AKAP8: variants seen among roughly 807,000 people sequenced by gnomAD.
The protein encoded by AKAP8 is A-kinase anchoring protein 8.
AKAP8 carries 24 observed loss-of-function variants against 67.5 expected under a neutral mutation model. The observed-to-expected ratio is 0.36, with a 90% CI of 0.26 to 0.50. AKAP8 has a LOEUF of 0.50. Among genes scored for constraint, AKAP8 ranks in the 20% least tolerant of loss-of-function variants. The pLI, the probability that AKAP8 is intolerant of heterozygous loss-of-function variation, is 0.97. For missense variants in AKAP8, 971 were observed against 955.9 expected (o/e 1.02, Z -0.21); for synonymous variants, 400 against 371.1 (o/e 1.08, Z -0.90).
In AKAP8 at chr19:15,372,344, T is replaced by C; in HGVS notation, c.865A>G (p.Lys289Glu). Residue 289 changes from lysine to glutamate, a missense_variant, in exon 6 of 14, where the codon AAG (lysine) becomes GAG (glutamate). Around this residue, in one of 3 missense-constraint regions of AKAP8, gnomAD observed 763 missense variants for 745.4 expected, o/e 1.02. Coordinates refer to ENST00000269701, the MANE Select transcript of AKAP8 (RefSeq NM_005858.4). ...CCGAAGCGGTCAAACCCTCTCCTCTTGGGCTACAGACAACAAGCACACCCC... is the reference window on the plus strand; with the variant it reads ...CCGAAGCGGTCAAACCCTCTCCTCTCGGGCTACAGACAACAAGCACACCCC... ...QPRMRDRDRP[K>E]RRGFDRFGPD... is the part of the protein sequence containing the mutation. The C allele has an allele frequency of 2.5e-6, 4 of 1,614,094 alleles. No homozygotes were observed. Among genetic ancestry groups the C allele is most frequent in the Non-Finnish European group, 3.4e-6 (4 of 1,180,008 alleles).
chr19:15,375,832 G>T (rs976872478), intron 2 of AKAP8, among the ~76,000 whole-genome samples: 1 of 151,846 alleles, frequency 6.6e-6, no homozygotes, highest in Admixed American at 6.6e-5. Context: ...TAGAGACGGG[G>T]TTTCACTGTG....
chr19:15,378,983 C>G (rs1967312500), intron 1 of AKAP8: 1 of 153,646 alleles, frequency 6.5e-6, no homozygotes, highest in Non-Finnish European at 1.4e-5. Context: ...CAGGGCACAT[C>G]AGGTTTCCAG....
At chr19:15,366,759 G>A (rs376636938) in intron 9 of AKAP8, among the ~76,000 whole-genome samples, 2 of 152,058 alleles carry the variant, frequency 1.3e-5, no homozygotes, top group Admixed American at 1.3e-4. Context: ...ACAGGCATGC[G>A]CCACCATGCC....
At chr19:15,364,628 C>T (rs766193678) in intron 9 of AKAP8, among the ~76,000 whole-genome samples, 24 of 151,534 alleles carry the variant, frequency 1.6e-4, no homozygotes, top group Non-Finnish European at 2.5e-4. Context: ...GGATTAAAGG[C>T]GTGAGCCACC....
In AKAP8 at chr19:15,370,188, G is replaced by C; in HGVS notation, c.1039-9C>G. ...TCGCAGAGTTCATCCTCCTGGAAAAGAGTATACACAAAGTCCGGCAGTGAG... is the reference window on the plus strand; with the variant it reads ...TCGCAGAGTTCATCCTCCTGGAAAACAGTATACACAAAGTCCGGCAGTGAG... On this transcript the variant is annotated splice_polypyrimidine_tract_variant and intron_variant, in intron 7 of 13. Transcript: ENST00000269701. 6.2e-7 allele frequency: 1 copy of C among 1,614,106 alleles called. No individual in the cohort carries two copies. Among genetic ancestry groups the C allele is most frequent in the Non-Finnish European group, 8.5e-7 (1 of 1,180,004 alleles).
chr19:15,374,356 G>A (rs879624349), intron 3 of AKAP8, among the ~76,000 whole-genome samples: 13 of 152,210 alleles, frequency 8.5e-5, no homozygotes, highest in African/African-American at 3.1e-4. Flanking sequence ...TCCGGCTGCT[G>A]ACAGGCCCCA....
At chr19:15,358,346 T>G (rs970337435) in intron 13 of AKAP8, among the ~76,000 whole-genome samples, 3 of 152,154 alleles carry the variant, frequency 2.0e-5, no homozygotes, top group South Asian at 4.1e-4. Context: ...AAAATTCTCA[T>G]GTACCTTGGA....
Position 15,368,274 on chromosome 19 carries a change from T to C in AKAP8, c.1121A>G (p.Gln374Arg). ...DEDVKKRREK[Q>R]RRRDRTRDRA... ...GTCCCGCGTCCTGTCTCTTCTCCTTTGCTTTTCCCTTCTCTTCTTCACATC... is the reference window on the plus strand; with the variant it reads ...GTCCCGCGTCCTGTCTCTTCTCCTTCGCTTTTCCCTTCTCTTCTTCACATC... The change falls in exon 9 of 14, where the codon CAA becomes CGA. Residue 374 changes from glutamine (Q) to arginine (R), a missense_variant. This residue lies in a region of AKAP8 where 763 missense variants were observed against 745.4 expected (regional missense o/e 1.02). Coordinates refer to ENST00000269701, the MANE Select transcript of AKAP8 (RefSeq NM_005858.4). 2 of 1,613,616 alleles carry C rather than the reference T, an allele frequency of 1.2e-6. No individual in the cohort carries two copies. Among genetic ancestry groups the C allele is most frequent in the South Asian group, 2.2e-5 (2 of 91,092 alleles).
At chr19:15,379,303 G>A (rs1967324270) in intron 1 of AKAP8, 1 of 190,046 alleles carries the variant, frequency 5.3e-6, no homozygotes, top group African/African-American at 2.3e-5. Context: ...ACAACCCCAC[G>A]CTGTAGCTCC....
chr19:15,359,881 C>T (rs1966937224), intron 12 of AKAP8, among the ~76,000 whole-genome samples: 1 of 152,072 alleles, frequency 6.6e-6, no homozygotes, highest in Non-Finnish European at 1.5e-5. Context: ...CACCTGTAAT[C>T]CCAGCACTCT....
chr19:15,356,306 G>A (rs2048278068), intron 13 of AKAP8, among the ~76,000 whole-genome samples: 1 of 151,994 alleles, frequency 6.6e-6, no homozygotes, highest in African/African-American at 2.4e-5. Flanking sequence ...TCGGGAGGCT[G>A]AGGCAGCAGA....
Position 15,368,422 on chromosome 19 carries a change from T to C in AKAP8, c.1073-100A>G, listed in dbSNP as rs1323476730. The C allele has an allele frequency of 5.0e-6, 8 of 1,592,888 alleles. No homozygotes were observed. In the African/African-American group the frequency reaches 8.0e-5, roughly 16 times the overall value. On this transcript the variant is annotated intron_variant, in intron 8 of 13. Transcript: ENST00000269701. ...GCTGCAGCTTGGCCACCGCACCCTG[T>C]GCCCTGCCACTGCCTGCACCACGCG...
chr19:15,377,662 GT>G (rs1415038173), intron 1 of AKAP8, among the ~76,000 whole-genome samples: 7 of 152,156 alleles, frequency 4.6e-5, no homozygotes, highest in Admixed American at 2.6e-4. Context: ...TAGAGACGGG[GT>G]TTCACCATGT....
Position 15,373,835 on chromosome 19 carries a change from C to G in AKAP8, c.322G>C (p.Gly108Arg). 6.2e-7 allele frequency: 1 copy of G among 1,612,344 alleles called. No homozygotes were observed. Among genetic ancestry groups the G allele is most frequent in the East Asian group, 2.2e-5 (1 of 44,876 alleles). ...CCACCGCCGCCGCTCCCGCCCCTGC[C>G]TCCTTCCTTGGACATCATGTCCAAA... Reference protein sequence around the residue: ...QRLDMMSKEGGRGGSGGGGEG... With the variant: ...QRLDMMSKEGRRGGSGGGGEG... The change falls in exon 4 of 14, where the codon GGC becomes CGC. Residue 108 changes from glycine to arginine, a missense_variant. Physicochemically the swap from Gly to Arg is moderately radical, Grantham distance 125. Around this residue, in one of 3 missense-constraint regions of AKAP8, gnomAD observed 763 missense variants for 745.4 expected, o/e 1.02. Transcript: ENST00000269701.
At chr19:15,363,247 C>A (rs1255500376) in intron 9 of AKAP8, among the ~76,000 whole-genome samples, 2 of 150,088 alleles carry the variant, frequency 1.3e-5, no homozygotes, top group Non-Finnish European at 3.0e-5. Flanking sequence ...GCCCCCCGCC[C>A]GGCCAGCCGC....
chr19:15,379,754 A>G lies in AKAP8; in HGVS notation c.-23T>C. 6.2e-7 allele frequency: 1 copy of G among 1,610,526 alleles called. No homozygotes were observed. The highest frequency in any genetic ancestry group is 1.3e-5 in the African/African-American group (1 of 74,740). ...CATGTCTTCGACGCGGCCCACCAGC[A>G]GCCCCGTTTACTAGGCGACCACAGC... is the stretch of plus-strand genomic sequence containing the variant. On this transcript the variant is annotated 5_prime_UTR_variant, in exon 1 of 14. Coordinates refer to ENST00000269701, the MANE Select transcript of AKAP8 (RefSeq NM_005858.4).
chr19:15,375,654 TG>T lies in AKAP8; in HGVS notation c.59-1020del, dbSNP rs1275209876. On this transcript the variant is annotated intron_variant, in intron 2 of 13. Transcript: ENST00000269701. ...AGATTTTTTTTTTGTTTTTTTTTTT[TG>T]AGATGGAGTCTCGCTCTGTTGCATG... Among the ~76,000 whole-genome samples, 195 of 151,684 alleles carry T rather than the reference TG, an allele frequency of 1.3e-3. 1 individual carries two copies. Among genetic ancestry groups the T allele is most frequent in the Non-Finnish European group, 2.2e-3 (148 of 67,882 alleles).
chr19:15,374,580 AC>A (rs201765899), intron 3 of AKAP8, 22 bp downstream of exon 3: 50 of 1,551,804 alleles, frequency 3.2e-5, no homozygotes, highest in Middle Eastern at 3.4e-4. Flanking sequence ...CCGCCCACAG[AC>A]CCCCCCCACA....
At chr19:15,374,198 T>A (rs1967212428) in intron 3 of AKAP8, 133 bp from the exon 4 acceptor site, 1 of 1,091,952 alleles carries the variant, frequency 9.2e-7, no homozygotes, top group Non-Finnish European at 1.3e-6. Flanking sequence ...CTGGCATCAC[T>A]TCACACTGCA....
Sources: gnomAD v4.1 joint callset for allele counts (sites outside exome capture counted in the v4.1 genomes callset) on GRCh38, gnomAD v4.1.1 for gene constraint, gnomAD v4.1.1 regional missense constraint, MANE v1.5 for transcripts, NCBI Gene and HGNC (gene_info 2026-07-23, HGNC 2026-07-21) for gene names.